The following ATE1 variants were observed in gnomAD, a reference collection of about 807,000 sequenced individuals.
ATE1 encodes arginyl-tRNA--protein transferase 1.
ATE1 carries 36 observed loss-of-function variants against 70.5 expected under a neutral mutation model. The ratio of observed to expected loss-of-function variants is 0.51; its 90% CI spans 0.39 to 0.67. The LOEUF is 0.67. Among genes scored for constraint, ATE1 ranks in the 30% least tolerant of loss-of-function variants. The pLI is 0.00. For synonymous variants in ATE1, 232 were observed against 219.3 expected, an observed-to-expected ratio of 1.06 and a Z score of -0.51; for missense variants, 593 against 629.5, an observed-to-expected ratio of 0.94 and a Z score of 0.62.
intron 2 of ATE1, among the ~76,000 whole-genome samples, chr10:121,923,488 T>TAA (rs201817081): frequency 6.8e-6 from 1 of 148,048 alleles, no homozygotes; most frequent in African/African-American, 2.5e-5. Context: ...ACCATGTCTC[T>TAA]AAAAAAAAAA....
chr10:121,926,571 T>C (rs1952099099), intron 1 of ATE1, among the ~76,000 whole-genome samples: 1 of 152,240 alleles, frequency 6.6e-6, no homozygotes, highest in African/African-American at 2.4e-5. Context: ...TTAGCCAATT[T>C]TCTCTTATCA....
At chr10:121,868,061 G>C (rs1253306760) in intron 8 of ATE1, among the ~76,000 whole-genome samples, 1 of 151,926 alleles carries the variant, frequency 6.6e-6, no homozygotes, top group Non-Finnish European at 1.5e-5. Context: ...TTCCTAGAAA[G>C]GATGAAGTTT....
intron 8 of ATE1, among the ~76,000 whole-genome samples, chr10:121,862,837 A>G (rs1352910397): frequency 1.3e-5 from 2 of 152,104 alleles, no homozygotes; most frequent in Non-Finnish European, 2.9e-5. Flanking sequence ...AGACACTCCT[A>G]CCAGTGCCAT....
intron 10 of ATE1, among the ~76,000 whole-genome samples, chr10:121,798,923 G>T (rs112422146): frequency 0.12 from 18,153 of 148,024 alleles, 1,407 homozygotes; most frequent in Non-Finnish European, 0.17. Flanking sequence ...AAAAGGTAAT[G>T]AAGACAGACA....
At chr10:121,781,119 C>T (rs762403732) in intron 11 of ATE1, among the ~76,000 whole-genome samples, 27 of 152,170 alleles carry the variant, frequency 1.8e-4, no homozygotes, top group Non-Finnish European at 3.2e-4. Context: ...CTCTTCTTGG[C>T]CCCATGCAAC....
intron 10 of ATE1, among the ~76,000 whole-genome samples, chr10:121,817,050 T>C (rs978648999): frequency 6.6e-5 from 10 of 152,132 alleles, no homozygotes; most frequent in Non-Finnish European, 1.2e-4. Flanking sequence ...CTCTTTTTAA[T>C]AAACTTATCT....
chr10:121,769,914 A>T (rs1254650418), intron 11 of ATE1, among the ~76,000 whole-genome samples: 1 of 152,226 alleles, frequency 6.6e-6, no homozygotes, highest in Non-Finnish European at 1.5e-5. Flanking sequence ...GTTGTTGGGA[A>T]TGTAAAATGG....
At chr10:121,895,040 CAAGT>C (rs1296409139) in intron 7 of ATE1, among the ~76,000 whole-genome samples, 1 of 152,082 alleles carries the variant, frequency 6.6e-6, no homozygotes, top group East Asian at 1.9e-4. Context: ...ACACATGCTA[CAAGT>C]AATATAAAAA....
intron 11 of ATE1, among the ~76,000 whole-genome samples, chr10:121,745,786 C>T (rs1944345691): frequency 6.6e-6 from 1 of 152,038 alleles, no homozygotes; most frequent in South Asian, 2.1e-4. Context: ...TGTTTCCATG[C>T]ATGTATGAGG....
chr10:121,841,036 G>A, intron 9 of ATE1, 46 bp downstream of exon 9: 1 of 1,340,726 alleles, frequency 7.5e-7, no homozygotes, highest in Non-Finnish European at 9.8e-7. Flanking sequence ...GTAATTATTT[G>A]AAGTTCTATA....
chr10:121,915,916 C>A (rs12254747), intron 3 of ATE1, among the ~76,000 whole-genome samples: 19,642 of 141,392 alleles, frequency 0.14, 1,442 homozygotes, highest in East Asian at 0.19. Flanking sequence ...CAAAACAAAA[C>A]AAAAAAAAAC....
chr10:121,845,622 T>A (rs558464893), intron 8 of ATE1, among the ~76,000 whole-genome samples: 1 of 152,310 alleles, frequency 6.6e-6, no homozygotes, highest in South Asian at 2.1e-4. Context: ...TTGATAAAGT[T>A]GTTTCCCACA....
chr10:121,836,875 T>C (rs1948453378), intron 9 of ATE1, 58 bp from the exon 10 acceptor site: 1 of 1,048,094 alleles, frequency 9.5e-7, no homozygotes, highest in Non-Finnish European at 1.4e-6. Context: ...AATGTACAAA[T>C]ATCTGTGTAA....
At chr10:121,867,555 T>G (rs1949705542) in intron 8 of ATE1, among the ~76,000 whole-genome samples, 2 of 152,150 alleles carry the variant, frequency 1.3e-5, no homozygotes, top group Non-Finnish European at 2.9e-5. Context: ...GAGACTCCCG[T>G]TGTACACCTG....
At chr10:121,870,159 G>A (rs1238243576) in intron 7 of ATE1, 121 bp from the exon 8 acceptor site, 10 of 914,020 alleles carry the variant, frequency 1.1e-5, no homozygotes, top group East Asian at 5.2e-5. Context: ...TGAACCCAAA[G>A]ATTATAGAAA....
intron 7 of ATE1, among the ~76,000 whole-genome samples, chr10:121,886,235 T>C (rs917559977): frequency 6.6e-6 from 1 of 151,236 alleles, no homozygotes; most frequent in African/African-American, 2.4e-5. Context: ...TTGGGCAACA[T>C]AGCAAGATCC....
chr10:121,823,731 G>T (rs189483412), intron 10 of ATE1, among the ~76,000 whole-genome samples: 1 of 152,192 alleles, frequency 6.6e-6, no homozygotes, highest in African/African-American at 2.4e-5. Flanking sequence ...ATTGTAAAGA[G>T]AGAGATTAGA....
intron 11 of ATE1, among the ~76,000 whole-genome samples, chr10:121,767,947 C>T (rs910749331): frequency 6.6e-6 from 1 of 152,164 alleles, no homozygotes; most frequent in African/African-American, 2.4e-5. Context: ...GCATCATTCA[C>T]AATAGCCAAA....
At chr10:121,887,097 C>T (rs1439076620) in intron 7 of ATE1, among the ~76,000 whole-genome samples, 2 of 152,054 alleles carry the variant, frequency 1.3e-5, no homozygotes, top group Admixed American at 6.5e-5. Context: ...AAAAAGAAGC[C>T]TTTATTCATA....
Sources: allele counts gnomAD v4.1 joint callset (sites outside exome capture counted in the v4.1 genomes callset), GRCh38; gene constraint gnomAD v4.1.1; transcripts MANE v1.5; gene names NCBI Gene and HGNC (gene_info 2026-07-23, HGNC 2026-07-21).